Variants in PDGFC observed in about 807,000 individuals in gnomAD.
PDGFC encodes the protein platelet derived growth factor C.
PDGFC carries 12 observed loss-of-function variants against 35.5 expected under a neutral mutation model. The observed-to-expected ratio is 0.34, with a 90% CI of 0.22 to 0.55. The LOEUF (loss-of-function observed/expected upper bound fraction) is 0.55, where lower values mean the gene tolerates loss of function less well. Ranked by LOEUF, PDGFC falls within the 20% of genes least tolerant of loss-of-function variation. The pLI is 0.91. For synonymous variants in PDGFC, 159 were observed against 148.8 expected, an observed-to-expected ratio of 1.07 and a Z score of -0.50; for missense variants, 322 against 412.4, an observed-to-expected ratio of 0.78 and a Z score of 1.90.
At chr4:156,784,165 T>C (rs1400861604) in intron 3 of PDGFC, among the ~76,000 whole-genome samples, 1 of 152,092 alleles carries the variant, frequency 6.6e-6, no homozygotes, top group Non-Finnish European at 1.5e-5. Flanking sequence ...TATACAAATG[T>C]CAAATGTTAA....
chr4:156,868,843 A>G (rs1273205307), intron 1 of PDGFC, among the ~76,000 whole-genome samples: 1 of 152,146 alleles, frequency 6.6e-6, no homozygotes, highest in African/African-American at 2.4e-5. Context: ...TCTTTCTATA[A>G]TCATAAATCC....
chr4:156,953,155 G>A (rs897281186), intron 1 of PDGFC, among the ~76,000 whole-genome samples: 7 of 151,846 alleles, frequency 4.6e-5, no homozygotes, highest in African/African-American at 1.7e-4. Flanking sequence ...GCTTACTTGG[G>A]AGTTACTCTT....
chr4:156,871,568 G>A (rs1312497175), intron 1 of PDGFC, among the ~76,000 whole-genome samples: 1 of 151,838 alleles, frequency 6.6e-6, no homozygotes, highest in Non-Finnish European at 1.5e-5. Flanking sequence ...TGCTCAATAT[G>A]TACATATTTT....
rs1398129326 is a variant in PDGFC, at chr4:156,922,949, T to C, written c.118+47837A>G. Among the ~76,000 whole-genome samples, 3 of 152,242 alleles carry C rather than the reference T, an allele frequency of 2.0e-5. No individual in the cohort carries two copies. In the East Asian group the frequency reaches 5.8e-4, roughly 29 times the overall value. On this transcript the variant is annotated intron_variant, in intron 1 of 5. Transcript: ENST00000502773. Reference sequence around the variant, plus strand: ...GATACAAGTTATCACCTTCTCTTCCTAAATTACTTAATAACTTCCAAATTG... The same window carrying C: ...GATACAAGTTATCACCTTCTCTTCCCAAATTACTTAATAACTTCCAAATTG...
rs1730890585 is a variant in PDGFC, at chr4:156,905,366, CATAA to C, written c.119-54954_119-54951del. The stretch of plus-strand genomic sequence containing the variant: ...TTCTCAAAAAAAGCCTCATAGTGAC[CATAA>C]TATCACTTTTGTATTATATGTGCCA... On this transcript the variant is annotated intron_variant, in intron 1 of 5. Coordinates refer to ENST00000502773, the MANE Select transcript of PDGFC (RefSeq NM_016205.3). 2.0e-5 allele frequency among the ~76,000 whole-genome samples: 3 copies of C among 151,996 alleles called. No individual in the cohort carries two copies. The South Asian group carries it at 6.2e-4, about 32-fold the overall frequency.
At chr4:156,920,999 G>A (rs920920585) in intron 1 of PDGFC, among the ~76,000 whole-genome samples, 1 of 152,144 alleles carries the variant, frequency 6.6e-6, no homozygotes, top group African/African-American at 2.4e-5. Context: ...TGTTAACTGA[G>A]AATGAACCTC....
At position 156,772,744 on chromosome 4, in the gene PDGFC, T is replaced by C. The variant is rs761474940; in HGVS notation, c.645A>G (p.Leu215=). The C allele has an allele frequency of 3.7e-6, 6 of 1,613,566 alleles. No individual in the cohort carries two copies. Among genetic ancestry groups the C allele is most frequent in the Non-Finnish European group, 5.1e-6 (6 of 1,179,594 alleles). ...CAAGAAGTTGCCAAGTTGGCCTATA[T>C]AGATCTTCTAAGTCCAACTGCCATC... is the stretch of plus-strand genomic sequence containing the variant. ...PERWQLDLED[L]YRPTWQLLGK... Residue 215 remains leucine (L), a synonymous_variant, in exon 4 of 6, where the codon CTA becomes CTG. Transcript: ENST00000502773.
At chr4:156,792,208 T>C (rs1035978779) in intron 3 of PDGFC, among the ~76,000 whole-genome samples, 2 of 152,130 alleles carry the variant, frequency 1.3e-5, no homozygotes, top group African/African-American at 4.8e-5. Flanking sequence ...AGGAAAGTGA[T>C]TAAATAAATA....
At chr4:156,850,852 C>T (rs1729436661) in intron 1 of PDGFC, among the ~76,000 whole-genome samples, 1 of 152,052 alleles carries the variant, frequency 6.6e-6, no homozygotes, top group Admixed American at 6.5e-5. Context: ...CTACAGTCAA[C>T]TAATTATTCA....
chr4:156,964,352 C>T (rs1403470973), intron 1 of PDGFC, among the ~76,000 whole-genome samples: 3 of 149,568 alleles, frequency 2.0e-5, no homozygotes. Flanking sequence ...AGTTATTTGC[C>T]AATTTGTCAG....
At chr4:156,794,689 C>T (rs1170319789) in intron 3 of PDGFC, among the ~76,000 whole-genome samples, 1 of 151,918 alleles carries the variant, frequency 6.6e-6, no homozygotes, top group Non-Finnish European at 1.5e-5. Context: ...TAGTAGAACA[C>T]TCACTCCTTC....
At chr4:156,840,560 C>G (rs1052280972) in intron 2 of PDGFC, among the ~76,000 whole-genome samples, 1 of 152,226 alleles carries the variant, frequency 6.6e-6, no homozygotes, top group Non-Finnish European at 1.5e-5. Flanking sequence ...GTTGAATCCC[C>G]TACAGAAAGT....
intron 1 of PDGFC, among the ~76,000 whole-genome samples, chr4:156,878,240 G>A (rs1730160671): frequency 6.6e-6 from 1 of 152,102 alleles, no homozygotes; most frequent in East Asian, 1.9e-4. Flanking sequence ...AACTGTGAGA[G>A]GAGAGGAGGT....
chr4:156,875,743 C>G (rs921397702), intron 1 of PDGFC, among the ~76,000 whole-genome samples: 1 of 152,006 alleles, frequency 6.6e-6, no homozygotes, highest in Non-Finnish European at 1.5e-5. Flanking sequence ...CATGGTGAAA[C>G]CCCATCTCTA....
chr4:156,816,862 T>A (rs1338447478), intron 2 of PDGFC, among the ~76,000 whole-genome samples: 1 of 152,188 alleles, frequency 6.6e-6, no homozygotes, highest in Admixed American at 6.5e-5. Flanking sequence ...TGGAGAAATA[T>A]TAGGGCCATA....
At chr4:156,841,496 C>T (rs13123374) in intron 2 of PDGFC, 20,264 of 150,100 alleles carry the variant, frequency 0.14, 1,749 homozygotes, top group South Asian at 0.34. Context: ...TACCCAGTCT[C>T]AGGCAGTTTT....
intron 2 of PDGFC, among the ~76,000 whole-genome samples, chr4:156,827,165 T>C (rs548919962): frequency 6.6e-5 from 10 of 152,076 alleles, no homozygotes; most frequent in South Asian, 2.1e-4. Flanking sequence ...CGCCTGAAAT[T>C]CCAGCACTTT....
intron 3 of PDGFC, among the ~76,000 whole-genome samples, chr4:156,789,117 C>A (rs1408316429): frequency 6.6e-6 from 1 of 152,136 alleles, no homozygotes; most frequent in Non-Finnish European, 1.5e-5. Context: ...TTTATTGAAT[C>A]CACTGCTACA....
At chr4:156,778,297 T>C in intron 3 of PDGFC, 1 of 301,796 alleles carries the variant, frequency 3.3e-6, no homozygotes, top group Non-Finnish European at 7.2e-6. Flanking sequence ...ACCAAACAAG[T>C]ATCACACAAA....
Sources: allele counts gnomAD v4.1 joint callset (sites outside exome capture counted in the v4.1 genomes callset), GRCh38; gene constraint gnomAD v4.1.1; transcripts MANE v1.5; gene names NCBI Gene and HGNC (gene_info 2026-07-23, HGNC 2026-07-21).